The following DSCAM variants were observed in gnomAD, a reference collection of about 807,000 sequenced individuals.
The protein encoded by DSCAM is DS cell adhesion molecule.
Under a neutral mutation model 217.7 loss-of-function variants are expected in DSCAM, and 47 were observed. The ratio of observed to expected loss-of-function variants is 0.22; its 90% CI spans 0.17 to 0.28. The LOEUF (loss-of-function observed/expected upper bound fraction) is 0.28. Ranked by LOEUF, DSCAM falls within the 10% of genes least tolerant of loss-of-function variation. DSCAM has a pLI of 1.00. For missense variants in DSCAM, 2,080 were observed against 2,618.3 expected (o/e 0.79, Z 4.49); for synonymous variants, 1,056 against 1,015.3 (o/e 1.04, Z -0.76).
chr21:40,249,403 T>C (rs1165302330), intron 11 of DSCAM, among the ~76,000 whole-genome samples: 2 of 152,144 alleles, frequency 1.3e-5, no homozygotes, highest in African/African-American at 2.4e-5. Context: ...CTTCTCATTT[T>C]CTCTTGCCGC....
chr21:40,653,446 C>A (rs2090038687), intron 3 of DSCAM, among the ~76,000 whole-genome samples: 1 of 152,064 alleles, frequency 6.6e-6, no homozygotes. Flanking sequence ...GTTGAAAGAG[C>A]CTTTTGTGGA....
intron 3 of DSCAM, among the ~76,000 whole-genome samples, chr21:40,665,461 C>A (rs2090188962): frequency 1.3e-5 from 2 of 152,144 alleles, no homozygotes; most frequent in African/African-American, 4.8e-5. Flanking sequence ...GTTCCCCTTG[C>A]CTGGAATGTC....
In DSCAM at chr21:40,708,731, A is replaced by G. The variant is rs781141137; in HGVS notation, c.84T>C (p.Asn28=). 3 of 1,603,854 alleles carry G rather than the reference A, an allele frequency of 1.9e-6. No individual in the cohort carries two copies. Among genetic ancestry groups the G allele is most frequent in the South Asian group, 1.1e-5 (1 of 88,446 alleles). ...CAAACACTACCTCTTGCAGAGATGC[A>G]TTGACAAAGTAGAGGCTGGAGTGTA... ...EDLHSSLYFV[N]ASLQEVVFAS... Residue 28 remains asparagine, a synonymous_variant, in exon 2 of 33, where the codon AAT becomes AAC. Coordinates refer to ENST00000400454, the MANE Select transcript of DSCAM (RefSeq NM_001389.5).
chr21:40,835,649 T>A (rs1333131237), intron 1 of DSCAM, among the ~76,000 whole-genome samples: 1 of 152,222 alleles, frequency 6.6e-6, no homozygotes, highest in Non-Finnish European at 1.5e-5. Flanking sequence ...TTGTTTAAGA[T>A]GCCTAGGAGG....
intron 4 of DSCAM, among the ~76,000 whole-genome samples, chr21:40,364,356 T>G (rs374697546): frequency 3.3e-5 from 5 of 151,982 alleles, no homozygotes; most frequent in Admixed American, 3.3e-4. Context: ...CCATAAAAAA[T>G]GATGAGTTCA....
At chr21:40,632,831 G>A (rs886403350) in intron 3 of DSCAM, among the ~76,000 whole-genome samples, 5 of 152,154 alleles carry the variant, frequency 3.3e-5, no homozygotes, top group African/African-American at 9.7e-5. Context: ...AAAGATGGAC[G>A]TGACCATGTG....
intron 3 of DSCAM, among the ~76,000 whole-genome samples, chr21:40,682,607 GAAAGAA>G (rs572988180): frequency 4.4e-5 from 4 of 89,962 alleles, no homozygotes; most frequent in Admixed American, 1.0e-4. Context: ...AAGAGAGAAA[GAAAGAA>G]AGAGAAAGAG....
At chr21:40,032,014 CA>C (rs2088535251) in intron 32 of DSCAM, among the ~76,000 whole-genome samples, 1 of 152,224 alleles carries the variant, frequency 6.6e-6, no homozygotes, top group Non-Finnish European at 1.5e-5. Flanking sequence ...TACAACTCCA[CA>C]AATATACCTT....
At chr21:40,256,438 G>GAC (rs201126514) in intron 11 of DSCAM, among the ~76,000 whole-genome samples, 1 of 143,964 alleles carries the variant, frequency 6.9e-6, no homozygotes, top group Middle Eastern at 3.4e-3. Context: ...GAGAGAGAGA[G>GAC]ACACACACAG....
At chr21:40,103,546 T>C (rs1181198184) in intron 20 of DSCAM, among the ~76,000 whole-genome samples, 2 of 152,116 alleles carry the variant, frequency 1.3e-5, no homozygotes, top group Non-Finnish European at 2.9e-5. Flanking sequence ...AGTTCCCATC[T>C]ATAAAAGAAG....
chr21:40,110,273 T>C (rs1277704519), intron 20 of DSCAM, among the ~76,000 whole-genome samples: 3 of 152,228 alleles, frequency 2.0e-5, no homozygotes, highest in African/African-American at 4.8e-5. Flanking sequence ...TCCACTGTTC[T>C]GCAGCCTCCG....
chr21:40,662,016 G>C (rs1206052246), intron 3 of DSCAM, among the ~76,000 whole-genome samples: 2 of 152,168 alleles, frequency 1.3e-5, no homozygotes, highest in Admixed American at 1.3e-4. Context: ...CATAGGGTTA[G>C]AGCATAAAGT....
intron 2 of DSCAM, among the ~76,000 whole-genome samples, chr21:40,707,694 A>G (rs1422998048): frequency 6.6e-6 from 1 of 152,240 alleles, no homozygotes; most frequent in Non-Finnish European, 1.5e-5. Context: ...TTTCAGAGCT[A>G]GACTTAAAAA....
At chr21:40,043,745 A>G (rs1439399621) in intron 31 of DSCAM, among the ~76,000 whole-genome samples, 4 of 152,228 alleles carry the variant, frequency 2.6e-5, no homozygotes, top group Non-Finnish European at 5.9e-5. Flanking sequence ...GAGTGTAATC[A>G]GCAATTACTG....
intron 1 of DSCAM, among the ~76,000 whole-genome samples, chr21:40,817,665 A>C (rs895674925): frequency 6.6e-6 from 1 of 152,234 alleles, no homozygotes; most frequent in Non-Finnish European, 1.5e-5. Flanking sequence ...AATCTCTCCG[A>C]GTAAGCATTT....
chr21:40,669,586 ATATATTT>A lies in DSCAM; in HGVS notation c.508+23217_508+23223del, dbSNP rs2090246319. On this transcript the variant is annotated intron_variant, in intron 3 of 32. Coordinates refer to ENST00000400454, the MANE Select transcript of DSCAM (RefSeq NM_001389.5). Reference sequence around the variant, plus strand: ...ATTCTATTTTCCCAAATGTTGTTATATATATTTTTTTTTTTTTTTGAGACAGAGTCTC... The same window carrying A: ...ATTCTATTTTCCCAAATGTTGTTATATTTTTTTTTTTTGAGACAGAGTCTC... 9.3e-5 allele frequency among the ~76,000 whole-genome samples: 3 copies of A among 32,172 alleles called. 1 individual carries two copies. Among genetic ancestry groups the A allele is most frequent in the Non-Finnish European group, 1.5e-4 (2 of 13,698 alleles). 21.1% of individuals were successfully genotyped at this position (32,172 alleles called of 152,430 possible).
At chr21:40,156,292 AG>A (rs2090476791) in intron 16 of DSCAM, among the ~76,000 whole-genome samples, 1 of 47,236 alleles carries the variant, frequency 2.1e-5, no homozygotes, top group African/African-American at 2.4e-4. Flanking sequence ...TAAGACAGAG[AG>A]AGAGAGAGAG....
At chr21:40,345,241 G>T (rs893368245) in intron 6 of DSCAM, among the ~76,000 whole-genome samples, 1 of 152,038 alleles carries the variant, frequency 6.6e-6, no homozygotes, top group African/African-American at 2.4e-5. Context: ...CTCATGATTT[G>T]TTTCTATCGT....
chr21:40,771,336 A>G (rs1215240967), intron 1 of DSCAM, among the ~76,000 whole-genome samples: 2 of 152,202 alleles, frequency 1.3e-5, no homozygotes, highest in Non-Finnish European at 2.9e-5. Flanking sequence ...CTGAGCTGCA[A>G]TGATTGAAAC....
Sources: allele counts gnomAD v4.1 joint callset (sites outside exome capture counted in the v4.1 genomes callset), GRCh38; gene constraint gnomAD v4.1.1; transcripts MANE v1.5; gene names NCBI Gene and HGNC (gene_info 2026-07-23, HGNC 2026-07-21).